GPC6: variants seen among roughly 807,000 people sequenced by gnomAD.
GPC6 encodes the protein glypican 6, also known as glypican-6.
GPC6 carries 14 observed loss-of-function variants against 55.2 expected under a neutral mutation model. The observed-to-expected ratio is 0.25, with a 90% CI of 0.17 to 0.40. The LOEUF (loss-of-function observed/expected upper bound fraction) is 0.40, where lower values mean the gene tolerates loss of function less well. Ranked by LOEUF, GPC6 falls within the 10% of genes least tolerant of loss-of-function variation. The pLI is 1.00. For synonymous variants in GPC6, 278 were observed against 259.6 expected (o/e 1.07, Z -0.68); for missense variants, 641 against 708.5 (o/e 0.90, Z 1.08).
chr13:93,237,003 A>G (rs1020262482), intron 1 of GPC6, among the ~76,000 whole-genome samples: 4 of 152,254 alleles, frequency 2.6e-5, no homozygotes, highest in Admixed American at 2.6e-4. Context: ...CCTGTTTGCA[A>G]TTGTGAGTTG....
chr13:93,662,890 G>T (rs1411417326), intron 2 of GPC6, among the ~76,000 whole-genome samples: 1 of 152,008 alleles, frequency 6.6e-6, no homozygotes, highest in African/African-American at 2.4e-5. Context: ...CTAGGCATGT[G>T]CCCTGATTAC....
intron 3 of GPC6, among the ~76,000 whole-genome samples, chr13:94,013,080 G>C (rs1882310747): frequency 6.6e-6 from 1 of 152,102 alleles, no homozygotes; most frequent in Non-Finnish European, 1.5e-5. Flanking sequence ...TAATGGTACA[G>C]CAAGGTAAAA....
chr13:93,296,264 G>A (rs1878493468), intron 1 of GPC6, among the ~76,000 whole-genome samples: 1 of 152,026 alleles, frequency 6.6e-6, no homozygotes, highest in African/African-American at 2.4e-5. Context: ...TCTACCTCTG[G>A]AATTCCTCTG....
chr13:93,646,414 C>T (rs920871666), intron 2 of GPC6, among the ~76,000 whole-genome samples: 1 of 152,084 alleles, frequency 6.6e-6, no homozygotes, highest in Non-Finnish European at 1.5e-5. Context: ...GTCAGTTTAT[C>T]TTGGCAAATT....
chr13:93,815,313 C>T (rs547532554), intron 2 of GPC6, among the ~76,000 whole-genome samples: 1 of 152,110 alleles, frequency 6.6e-6, no homozygotes, highest in South Asian at 2.1e-4. Context: ...ACTGAATGTC[C>T]TTTTGGGGAG....
At chr13:93,471,010 CTG>C (rs1879090964) in intron 1 of GPC6, among the ~76,000 whole-genome samples, 1 of 151,996 alleles carries the variant, frequency 6.6e-6, no homozygotes, top group Admixed American at 6.6e-5. Context: ...CATTGGTAAT[CTG>C]TGTCTCCTAA....
At chr13:93,721,606 G>T (rs1156774308) in intron 2 of GPC6, among the ~76,000 whole-genome samples, 1 of 151,730 alleles carries the variant, frequency 6.6e-6, no homozygotes, top group African/African-American at 2.4e-5. Flanking sequence ...AATTCTGCCC[G>T]TGTGTTTAGT....
intron 2 of GPC6, among the ~76,000 whole-genome samples, chr13:93,683,958 G>T (rs1034484466): frequency 1.3e-5 from 2 of 152,070 alleles, no homozygotes; most frequent in Non-Finnish European, 2.9e-5. Flanking sequence ...TCCTCATGTG[G>T]CAGAAAGCAG....
chr13:93,560,053 A>C lies in GPC6; in HGVS notation c.319+14632A>C, dbSNP rs552130819. Among the ~76,000 whole-genome samples, 4 of 152,312 alleles carry C rather than the reference A, an allele frequency of 2.6e-5. No homozygotes were observed. In the South Asian group the frequency reaches 8.3e-4, roughly 32 times the overall value. Reference sequence around the variant, plus strand: ...CTGCACAGTCTACACAGAAAATGTCAGAACTCAATAAAAACAGTGCAACAG... The same window carrying C: ...CTGCACAGTCTACACAGAAAATGTCCGAACTCAATAAAAACAGTGCAACAG... On this transcript the variant is annotated intron_variant, in intron 2 of 8. Coordinates refer to ENST00000377047, the MANE Select transcript of GPC6 (RefSeq NM_005708.5).
chr13:93,682,429 G>A (rs1053277469), intron 2 of GPC6, among the ~76,000 whole-genome samples: 1 of 152,112 alleles, frequency 6.6e-6, no homozygotes, highest in Non-Finnish European at 1.5e-5. Context: ...GGACATAGCT[G>A]CCCTGAAGGT....
At chr13:93,339,959 A>T (rs923661829) in intron 1 of GPC6, among the ~76,000 whole-genome samples, 2 of 151,838 alleles carry the variant, frequency 1.3e-5, no homozygotes, top group Non-Finnish European at 2.9e-5. Context: ...TGTTTATTGT[A>T]TAAGTGTGCT....
At chr13:93,927,182 A>G (rs1159066417) in intron 3 of GPC6, among the ~76,000 whole-genome samples, 1 of 152,222 alleles carries the variant, frequency 6.6e-6, no homozygotes, top group Non-Finnish European at 1.5e-5. Context: ...AAGTCATACA[A>G]TATCTTAGCC....
At chr13:93,946,442 T>C (rs186501524) in intron 3 of GPC6, among the ~76,000 whole-genome samples, 19 of 152,276 alleles carry the variant, frequency 1.2e-4, no homozygotes, top group Admixed American at 1.2e-3. Flanking sequence ...CAAACTTTAT[T>C]TTTAATATGA....
At chr13:93,957,586 T>C (rs1004969470) in intron 3 of GPC6, among the ~76,000 whole-genome samples, 1 of 152,234 alleles carries the variant, frequency 6.6e-6, no homozygotes, top group African/African-American at 2.4e-5. Context: ...TAGTATTCCA[T>C]GGTATATATG....
intron 1 of GPC6, among the ~76,000 whole-genome samples, chr13:93,270,242 C>A (rs1462790352): frequency 8.2e-6 from 1 of 121,374 alleles, no homozygotes; most frequent in African/African-American, 3.5e-5. Context: ...AAAGTGAGAC[C>A]TTTTCTCCTT....
At chr13:93,930,072 A>G (rs959186856) in intron 3 of GPC6, among the ~76,000 whole-genome samples, 2 of 152,038 alleles carry the variant, frequency 1.3e-5, no homozygotes, top group African/African-American at 4.8e-5. Flanking sequence ...AAAAAATGCC[A>G]AGACAAAACA....
intron 2 of GPC6, among the ~76,000 whole-genome samples, chr13:93,630,873 C>T (rs1879398461): frequency 6.6e-6 from 1 of 152,082 alleles, no homozygotes; most frequent in African/African-American, 2.4e-5. Context: ...CTAACAACCC[C>T]CCCATATCTC....
chr13:94,230,593 A>G (rs1480757577), intron 4 of GPC6, among the ~76,000 whole-genome samples: 3 of 152,110 alleles, frequency 2.0e-5, no homozygotes, highest in African/African-American at 7.2e-5. Flanking sequence ...CAAGAAGGGT[A>G]TCTCCTCAGA....
intron 1 of GPC6, among the ~76,000 whole-genome samples, chr13:93,296,250 A>G (rs1878493035): frequency 6.6e-6 from 1 of 152,100 alleles, no homozygotes; most frequent in Non-Finnish European, 1.5e-5. Context: ...GTAGTCTAGT[A>G]TATTCTACCT....
Sources: allele counts gnomAD v4.1 joint callset (sites outside exome capture counted in the v4.1 genomes callset), GRCh38; gene constraint gnomAD v4.1.1; transcripts MANE v1.5; gene names NCBI Gene and HGNC (gene_info 2026-07-23, HGNC 2026-07-21).